The following KALRN variants were observed in gnomAD, a reference collection of about 807,000 sequenced individuals.
KALRN encodes kalirin RhoGEF kinase.
Under a neutral mutation model 353.7 loss-of-function variants are expected in KALRN, and 70 were observed. The observed-to-expected ratio is 0.20, with a 90% CI of 0.16 to 0.24. The LOEUF is 0.24. Among genes scored for constraint, KALRN ranks in the 10% least tolerant of loss-of-function variants. The pLI is 1.00. For synonymous variants in KALRN, 1,391 were observed against 1,434.8 expected (o/e 0.97, Z 0.69); for missense variants, 2,791 against 3,756.7 (o/e 0.74, Z 6.72).
chr3:124,101,952 A>G (rs1470724417), intron 1 of KALRN, among the ~76,000 whole-genome samples: 13 of 152,148 alleles, frequency 8.5e-5, no homozygotes, highest in Admixed American at 8.5e-4. Context: ...TCTTTGTGCC[A>G]ACCTTTATGA....
intron 8 of KALRN, 135 bp downstream of exon 8, chr3:124,330,127 G>T: frequency 1.1e-6 from 1 of 950,694 alleles, no homozygotes; most frequent in Non-Finnish European, 1.5e-6. Context: ...TTTTTTTGGT[G>T]ACATCTTTAG....
In KALRN at chr3:124,693,904, C is replaced by G. The variant is rs72968723; in HGVS notation, c.7405+73C>G. 3.8e-6 allele frequency: 4 copies of G among 1,058,726 alleles called. No individual in the cohort carries two copies. The East Asian group carries it at 9.6e-5, about 25-fold the overall frequency. The allele number at this position is 1,058,726 out of a possible 1,614,324, so 65.6% of individuals were successfully genotyped here. A position where few individuals can be genotyped will look rare whatever the true frequency, so the allele number is the denominator to read the frequency against. On this transcript the variant is annotated intron_variant, in intron 52 of 59. Transcript: ENST00000682506. Reference sequence around the variant, plus strand: ...AATTATAGTTAATCCAGCACTAAAGCACTGGCTGTAAGCAATGGTGATATA... The same window carrying G: ...AATTATAGTTAATCCAGCACTAAAGGACTGGCTGTAAGCAATGGTGATATA...
intron 1 of KALRN, among the ~76,000 whole-genome samples, chr3:124,177,472 A>T (rs561046518): frequency 2.6e-5 from 4 of 152,316 alleles, no homozygotes; most frequent in African/African-American, 9.6e-5. Context: ...CCTGGAGAAG[A>T]TGGACCAGGA....
At chr3:124,426,722 TC>T (rs2093037919) in intron 15 of KALRN, among the ~76,000 whole-genome samples, 2 of 152,152 alleles carry the variant, frequency 1.3e-5, no homozygotes, top group Admixed American at 6.5e-5. Flanking sequence ...ATGGAGCAGA[TC>T]CCTGAACCAC....
At chr3:124,093,997 T>TAG (rs2061277732) in intron 1 of KALRN, 1 of 152,132 alleles carries the variant, frequency 6.6e-6, no homozygotes, top group Non-Finnish European at 1.5e-5. Flanking sequence ...GGTTGAGAGG[T>TAG]AAGGGAGAAC....
rs1304318766 is a variant in KALRN, at chr3:124,201,441, G to A, written c.74-26549G>A. ...AGCTCCTGGTCACTCCAGTGTCTTG[G>A]CACTTCCCCTGGAGGACTGGAGCTT... On this transcript the variant is annotated intron_variant, in intron 1 of 59. Transcript: ENST00000682506. Among the ~76,000 whole-genome samples, 12 of 152,174 alleles carry A rather than the reference G, an allele frequency of 7.9e-5. No individual in the cohort carries two copies. The East Asian group carries it at 2.1e-3, about 27-fold the overall frequency.
chr3:124,299,536 A>G (rs1045379622), intron 6 of KALRN, among the ~76,000 whole-genome samples: 10 of 152,176 alleles, frequency 6.6e-5, no homozygotes, highest in African/African-American at 2.4e-4. Context: ...AGCAGTGTTC[A>G]GGCAGATGCT....
In KALRN at chr3:124,384,910, T is replaced by G; in HGVS notation, c.1836T>G (p.Cys612Trp). ...AAEQLAQTGE[C>W]DPEEIYKAAR... ...AGCAGTTGGCTCAGACGGGGGAATG[T>G]GACCCCGAGGAGATCTACAAGGCAG... Residue 612 changes from cysteine (C) to tryptophan (W), a missense_variant, in exon 11 of 60, where the codon TGT becomes TGG. Around this residue, in one of 11 missense-constraint regions of KALRN, gnomAD observed 452 missense variants for 575.8 expected, o/e 0.78. Transcript: ENST00000682506. 1 of 1,613,242 alleles carries G rather than the reference T, an allele frequency of 6.2e-7. No individual in the cohort carries two copies. The highest frequency in any genetic ancestry group is 8.5e-7 in the Non-Finnish European group (1 of 1,179,644).
At chr3:124,193,826 C>T (rs568098721) in intron 1 of KALRN, among the ~76,000 whole-genome samples, 1 of 152,240 alleles carries the variant, frequency 6.6e-6, no homozygotes, top group South Asian at 2.1e-4. Context: ...CAAAGTATAT[C>T]TATTTTTGCA....
At chr3:124,528,210 A>G (rs928052082) in intron 33 of KALRN, among the ~76,000 whole-genome samples, 2 of 152,238 alleles carry the variant, frequency 1.3e-5, no homozygotes, top group African/African-American at 2.4e-5. Context: ...CATGGTAACT[A>G]GTACAAGGAC....
chr3:124,395,367 G>A, intron 12 of KALRN, 24 bp downstream of exon 12: 1 of 1,588,090 alleles, frequency 6.3e-7, no homozygotes, highest in Non-Finnish European at 8.6e-7. Flanking sequence ...GAGCTTTCCA[G>A]TGGGAAATGC....
intron 34 of KALRN, among the ~76,000 whole-genome samples, chr3:124,611,234 T>C (rs570647693): frequency 6.6e-6 from 1 of 152,034 alleles, no homozygotes; most frequent in Non-Finnish European, 1.5e-5. Flanking sequence ...AAGGACCGCC[T>C]AGGTAGAGAG....
At chr3:124,635,351 T>C (rs142344707) in intron 36 of KALRN, among the ~76,000 whole-genome samples, 12 of 152,326 alleles carry the variant, frequency 7.9e-5, no homozygotes, top group Non-Finnish European at 1.6e-4. Context: ...GGTCACCACC[T>C]TCTCTCTCTA....
chr3:124,484,743 C>T (rs1031680770), intron 28 of KALRN, among the ~76,000 whole-genome samples: 3 of 152,210 alleles, frequency 2.0e-5, no homozygotes, highest in Admixed American at 6.5e-5. Flanking sequence ...AGTAGAATCC[C>T]TTAGCCCAGA....
intron 38 of KALRN, among the ~76,000 whole-genome samples, chr3:124,653,431 C>T (rs1485591884): frequency 1.3e-5 from 2 of 152,032 alleles, no homozygotes; most frequent in African/African-American, 4.8e-5. Flanking sequence ...AGTCTTTGCT[C>T]TCATGGCAAG....
Position 124,582,313 on chromosome 3 carries a change from G to A in KALRN, c.5182+19224G>A, listed in dbSNP as rs1384209483. Among the ~76,000 whole-genome samples, 3 of 152,224 alleles carry A rather than the reference G, an allele frequency of 2.0e-5. No homozygotes were observed. The East Asian group carries it at 5.8e-4, about 29-fold the overall frequency. ...TGGGATTACAAGCGTGAGCCACTGCGCCCAGCCAACATGAGCAATTTGAAC... is the reference window on the plus strand; with the variant it reads ...TGGGATTACAAGCGTGAGCCACTGCACCCAGCCAACATGAGCAATTTGAAC... On this transcript the variant is annotated intron_variant, in intron 34 of 59. Coordinates refer to ENST00000682506, the MANE Select transcript of KALRN (RefSeq NM_001388419.1).
At chr3:124,260,879 A>G (rs1361859005) in intron 3 of KALRN, among the ~76,000 whole-genome samples, 2 of 152,078 alleles carry the variant, frequency 1.3e-5, no homozygotes, top group Non-Finnish European at 2.9e-5. Flanking sequence ...TCCAGAAGGG[A>G]GATCATTCAC....
At chr3:124,508,751 A>T (rs1278767009) in intron 33 of KALRN, among the ~76,000 whole-genome samples, 1 of 152,198 alleles carries the variant, frequency 6.6e-6, no homozygotes, top group Non-Finnish European at 1.5e-5. Flanking sequence ...CAAAGTGCCG[A>T]TACCAAATTT....
At position 124,064,185 on chromosome 3, in the gene KALRN, A is replaced by G. The variant is rs753556916; in HGVS notation, c.73+30372A>G. Among the ~76,000 whole-genome samples the G allele has an allele frequency of 1.1e-4, 17 of 152,290 alleles. No individual in the cohort carries two copies. The Middle Eastern group carries it at 0.01, about 91-fold the overall frequency. On this transcript the variant is annotated intron_variant, in intron 1 of 59. Transcript: ENST00000682506. ...AGAAGATATAATTACAGCTTATCCT[A>G]CAGATCCTGCAGTGGGGTCACCACT... is the stretch of plus-strand genomic sequence containing the variant.
Sources: allele counts gnomAD v4.1 joint callset (sites outside exome capture counted in the v4.1 genomes callset), GRCh38; gene constraint gnomAD v4.1.1; regional missense constraint gnomAD v4.1.1; transcripts MANE v1.5; gene names NCBI Gene and HGNC (gene_info 2026-07-23, HGNC 2026-07-21).